Variants in RSPH14 observed in about 807,000 individuals in gnomAD.
The protein encoded by RSPH14 is radial spoke head 14 homolog.
In RSPH14, 20 loss-of-function variants were observed where a neutral mutation model predicts 26.7. The observed-to-expected ratio is 0.75, with a 90% CI of 0.53 to 1.09. The LOEUF is 1.09. RSPH14 is among the 50% of genes least tolerant of loss of function. RSPH14 has a pLI of 0.00. For missense variants in RSPH14, 449 were observed against 457.2 expected, an observed-to-expected ratio of 0.98 and a Z score of 0.16; for synonymous variants, 177 against 189.3, an observed-to-expected ratio of 0.93 and a Z score of 0.53.
At chr22:23,111,370 G>T (rs1443156995) in intron 4 of RSPH14, among the ~76,000 whole-genome samples, 1 of 152,222 alleles carries the variant, frequency 6.6e-6, no homozygotes, top group Non-Finnish European at 1.5e-5. Context: ...AAGCGCACTG[G>T]ACTCGGTTCC....
chr22:23,123,682 G>T, intron 4 of RSPH14: 1 of 523,732 alleles, frequency 1.9e-6, no homozygotes, highest in Non-Finnish European at 3.4e-6. Context: ...AAAATGTCGA[G>T]GTCTCTTGAA....
the RSPH14 span, among the ~76,000 whole-genome samples, chr22:23,179,346 C>T: frequency 6.6e-6 from 1 of 152,148 alleles, no homozygotes; most frequent in African/African-American, 2.4e-5. Context: ...CCCAACCCAG[C>T]GGGCTGGTTT....
At chr22:23,061,768 T>C (rs1202382211) in intron 6 of RSPH14, 41 bp downstream of exon 6, 2 of 1,610,230 alleles carry the variant, frequency 1.2e-6, no homozygotes, top group Admixed American at 3.3e-5. Context: ...GCTGCTAGCC[T>C]GCTAGGGTCT....
chr22:23,176,583 G>A, the RSPH14 span, among the ~76,000 whole-genome samples: 1 of 152,044 alleles, frequency 6.6e-6, no homozygotes, highest in Admixed American at 6.5e-5. Flanking sequence ...CGCCCCCACG[G>A]CCTGGTGTTG....
intron 4 of RSPH14, chr22:23,095,588 G>T: frequency 7.9e-7 from 1 of 1,261,314 alleles, no homozygotes; most frequent in Non-Finnish European, 1.1e-6. Context: ...GGCACTGAGT[G>T]CCTCCAGGGC....
upstream of RSPH14, chr22:23,145,817 C>A (rs2070735945): frequency 6.1e-6 from 2 of 329,306 alleles, no homozygotes; most frequent in South Asian, 1.2e-4. Context: ...GGAGAGGAGT[C>A]CGGACAGAAA....
At chr22:23,088,041 T>G (rs1371136353) in intron 4 of RSPH14, among the ~76,000 whole-genome samples, 2 of 152,216 alleles carry the variant, frequency 1.3e-5, no homozygotes, top group Non-Finnish European at 2.9e-5. Flanking sequence ...ACTAAGTTTC[T>G]CTCCAAGTTA....
chr22:23,171,437 G>A, the RSPH14 span, among the ~76,000 whole-genome samples: 1 of 152,132 alleles, frequency 6.6e-6, no homozygotes, highest in African/African-American at 2.4e-5. Flanking sequence ...CTCAGCCTCT[G>A]GAGTAGCTGG....
chr22:23,144,091 T>TC (rs2070659840), upstream of RSPH14, among the ~76,000 whole-genome samples: 1 of 36,594 alleles, frequency 2.7e-5, no homozygotes, highest in Non-Finnish European at 4.3e-5. Context: ...AGACTCCATC[T>TC]CAAAAAAAAA....
At chr22:23,070,592 C>G (rs1458654357) in intron 4 of RSPH14, 6 of 150,034 alleles carry the variant, frequency 4.0e-5, no homozygotes, top group South Asian at 4.3e-4. Flanking sequence ...GACCCGCGGC[C>G]GGCCGCGCGC....
chr22:23,151,899 C>G, the RSPH14 span, among the ~76,000 whole-genome samples: 2 of 152,200 alleles, frequency 1.3e-5, no homozygotes, highest in Non-Finnish European at 2.9e-5. Context: ...GGGTGTGCCC[C>G]TTGGCCTGTC....
At chr22:23,111,590 C>G (rs78302839) in intron 4 of RSPH14, among the ~76,000 whole-genome samples, 1 of 152,350 alleles carries the variant, frequency 6.6e-6, no homozygotes, top group African/African-American at 2.4e-5. Flanking sequence ...TTTAGTAGAA[C>G]CCAGTGACCA....
At chr22:23,095,806 C>G (rs1267627597) in intron 4 of RSPH14, 1 of 1,613,364 alleles carries the variant, frequency 6.2e-7, no homozygotes, top group Non-Finnish European at 8.5e-7. Flanking sequence ...TCAAGCTGCT[C>G]CTGCTGGGCA....
chr22:23,159,770 CTG>C, the RSPH14 span, among the ~76,000 whole-genome samples: 2 of 152,226 alleles, frequency 1.3e-5, no homozygotes, highest in Non-Finnish European at 2.9e-5. Context: ...CCCAGTATCA[CTG>C]TGGCTCAAAG....
chr22:23,060,889 A>G (rs1569151093), intron 6 of RSPH14, among the ~76,000 whole-genome samples: 1 of 152,046 alleles, frequency 6.6e-6, no homozygotes, highest in Non-Finnish European at 1.5e-5. Flanking sequence ...TTGTGTCTCG[A>G]GCCCCGTGGC....
In RSPH14 at chr22:23,134,783, T is replaced by C. The variant is rs2070434652; in HGVS notation, c.303-639A>G. On this transcript the variant is annotated intron_variant, in intron 3 of 6. Coordinates refer to ENST00000216036, the MANE Select transcript of RSPH14 (RefSeq NM_014433.3). ...CAGAAGGCTGAGGCACAAGATCACT[T>C]GAGCCCAGGAAGCAGAGGTTGCAGT... Among the ~76,000 whole-genome samples the C allele has an allele frequency of 3.3e-5, 5 of 152,078 alleles. No homozygotes were observed. The South Asian group carries it at 8.3e-4, about 25-fold the overall frequency.
At chr22:23,079,326 G>A (rs2068605999) in intron 4 of RSPH14, among the ~76,000 whole-genome samples, 2 of 152,240 alleles carry the variant, frequency 1.3e-5, no homozygotes, top group Non-Finnish European at 2.9e-5. Flanking sequence ...ATGGGGAGAG[G>A]GCGCGGAAGC....
chr22:23,071,245 G>A lies in RSPH14; in HGVS notation c.422-7112C>T, dbSNP rs970920129. On this transcript the variant is annotated intron_variant, in intron 4 of 6. Coordinates refer to ENST00000216036, the MANE Select transcript of RSPH14 (RefSeq NM_014433.3). This position sits in a 1 kb window ranked among gnomAD's most constrained non-coding sequence, Gnocchi z 4.1. ...GGGGGAGGGGAGTGAGGGCCTCAGG[G>A]CTGGCGCTCCGTATCCTGCGGGCGA... is the stretch of plus-strand genomic sequence containing the variant. 6.6e-6 allele frequency among the ~76,000 whole-genome samples: 1 copy of A among 152,180 alleles called. No homozygotes were observed. Among genetic ancestry groups the A allele is most frequent in the Non-Finnish European group, 1.5e-5 (1 of 68,026 alleles).
chr22:23,165,550 C>T, the RSPH14 span, among the ~76,000 whole-genome samples: 1 of 152,236 alleles, frequency 6.6e-6, no homozygotes, highest in Non-Finnish European at 1.5e-5. Context: ...AGGCTCTGGG[C>T]ACAGGAAAGA....
Sources: gnomAD v4.1 joint callset for allele counts (sites outside exome capture counted in the v4.1 genomes callset) on GRCh38, gnomAD v4.1.1 for gene constraint, Gnocchi (gnomAD v3.1) non-coding constraint, MANE v1.5 for transcripts, NCBI Gene and HGNC (gene_info 2026-07-23, HGNC 2026-07-21) for gene names.